Variants in PKD1 observed in about 807,000 individuals in gnomAD.
The protein encoded by PKD1 is polycystin 1, transient receptor potential channel interacting.
PKD1 carries 81 observed loss-of-function variants against 361.7 expected under a neutral mutation model. That is an observed-to-expected ratio of 0.22 (90% CI 0.19 to 0.27). The LOEUF is 0.27. PKD1 is among the 10% of genes least tolerant of loss of function. PKD1 has a pLI of 1.00. For missense variants in PKD1, 6,399 were observed against 6,118.3 expected (o/e 1.05, Z -1.53); for synonymous variants, 3,615 against 2,818.3 (o/e 1.28, Z -8.95).
In PKD1 at chr16:2,100,123, TG is replaced by T. The variant is rs1336869887; in HGVS notation, c.9712+42del. ...AGGAGGCCACGGGGCAGGACCACCCTGCCCAACCTCCCACGGAGTGGGAACA... is the reference window on the plus strand; with the variant it reads ...AGGAGGCCACGGGGCAGGACCACCCTCCCAACCTCCCACGGAGTGGGAACA... On this transcript the variant is annotated intron_variant, in intron 28 of 45. Transcript: ENST00000262304. The surrounding 1 kb of genome is among the most constrained non-coding windows in gnomAD (Gnocchi z 4.4). 3 of 1,604,600 alleles carry T rather than the reference TG, an allele frequency of 1.9e-6. No homozygotes were observed. The African/African-American group carries it at 4.0e-5, about 21-fold the overall frequency.
intron 1 of PKD1, among the ~76,000 whole-genome samples, chr16:2,121,750 G>GT (rs397772970): frequency 1.3e-4 from 19 of 151,408 alleles, no homozygotes; most frequent in Middle Eastern, 3.4e-3. Context: ...CCTGGCACAG[G>GT]ACTATGGCTC....
At chr16:2,093,137 C>T (rs1195020387) in intron 37 of PKD1, 44 bp from the exon 38 acceptor site, 1 of 1,608,358 alleles carries the variant, frequency 6.2e-7, no homozygotes, top group Admixed American at 1.7e-5. Flanking sequence ...CCCCAGCCCA[C>T]AGTGACAGCA....
At position 2,089,952 on chromosome 16, in the gene PKD1, G is replaced by A; in HGVS notation, c.12687C>T (p.Leu4229=). The A allele has an allele frequency of 1.9e-6, 3 of 1,612,292 alleles. No individual in the cohort carries two copies. The highest frequency in any genetic ancestry group is 2.5e-6 in the Non-Finnish European group (3 of 1,179,768). Residue 4229 remains leucine (L), a synonymous_variant, in exon 46 of 46, where the codon CTC becomes CTT. Transcript: ENST00000262304. ...FEALLTQFDR[L]NQATEDVYQL... ...GGTAGACGTCCTCTGTGGCCTGGTT[G>A]AGTCGGTCAAACTGGGTGAGCAGGG...
In PKD1 at chr16:2,114,456, G is replaced by A. The variant is rs144610067; in HGVS notation, c.2567C>T (p.Thr856Met). The change falls in exon 11 of 46, where the codon ACG becomes ATG. Residue 856 changes from threonine (T) to methionine (M), a missense_variant. By Grantham distance (81) the Thr-to-Met change is moderately conservative. Transcript: ENST00000262304. Reference protein sequence around the residue: ...VLQVDSGANATATARWPGGSV... With the variant: ...VLQVDSGANAMATARWPGGSV... ...GCCCCCAGGCCAGCGAGCCGTGGCC[G>A]TGGCGTTGGCACCAGAGTCCACCTG... 4.6e-5 allele frequency: 73 copies of A among 1,597,934 alleles called. No individual in the cohort carries two copies. Among genetic ancestry groups the A allele is most frequent in the African/African-American group, 9.4e-5 (7 of 74,848 alleles).
intron 20 of PKD1, 113 bp downstream of exon 20, chr16:2,105,752 A>G: frequency 1.5e-6 from 2 of 1,352,338 alleles, no homozygotes; most frequent in Non-Finnish European, 2.1e-6. Context: ...GGTCACTGGG[A>G]TTTATCTCTG....
At chr16:2,124,248 C>A (rs545005504) in intron 1 of PKD1, among the ~76,000 whole-genome samples, 1 of 152,362 alleles carries the variant, frequency 6.6e-6, no homozygotes, top group Admixed American at 6.5e-5. Context: ...CCCGAGGTAG[C>A]TGACACGTGT....
chr16:2,098,186 G>A, intron 30 of PKD1: 1 of 600,552 alleles, frequency 1.7e-6, no homozygotes, highest in South Asian at 2.0e-5. Context: ...CAGCAGACTG[G>A]TGCAGCTAAG....
In PKD1 at chr16:2,089,767, G is replaced by A. The variant is rs1459644541; in HGVS notation, c.12872C>T (p.Pro4291Leu). The A allele has an allele frequency of 1.3e-6, 2 of 1,596,030 alleles. No individual in the cohort carries two copies. Among genetic ancestry groups the A allele is most frequent in the African/African-American group, 1.3e-5 (1 of 74,774 alleles). The change falls in exon 46 of 46, where the codon CCC becomes CTC. Residue 4291 changes from proline to leucine, a missense_variant. Coordinates refer to ENST00000262304, the MANE Select transcript of PKD1 (RefSeq NM_001009944.3). ...VDLATGPSRT[P>L]LRAKNKVHPS... ...GTGGACCTTGTTCTTGGCCCGAAGGGGTGTCCTGCTGGGGCCAGTGGCCAG... is the reference window on the plus strand; with the variant it reads ...GTGGACCTTGTTCTTGGCCCGAAGGAGTGTCCTGCTGGGGCCAGTGGCCAG...
rs745803852 is a variant in PKD1 at position 2,107,912 on chromosome 16, C to T, written c.7036G>A (p.Gly2346Ser). 7.8e-6 allele frequency: 12 copies of T among 1,545,182 alleles called. No individual in the cohort carries two copies. Among genetic ancestry groups the T allele is most frequent in the African/African-American group, 5.5e-5 (4 of 72,968 alleles). ...YTFSLTVWKAGRKEEATNQTV... is the reference protein window; with the variant it reads ...YTFSLTVWKASRKEEATNQTV... Reference sequence around the variant, plus strand: ...TGGTTGGTGGCCTCCTCCTTGCGGCCGGCCTTCCACACGGTCAGGCTGAAG... The same window carrying T: ...TGGTTGGTGGCCTCCTCCTTGCGGCTGGCCTTCCACACGGTCAGGCTGAAG... The change falls in exon 16 of 46, where the codon GGC becomes AGC. Residue 2346 changes from glycine to serine, a missense_variant. Physicochemically the swap from Gly to Ser is moderately conservative, Grantham distance 56. Transcript: ENST00000262304.
intron 1 of PKD1, among the ~76,000 whole-genome samples, chr16:2,133,606 TG>T (rs944436813): frequency 6.6e-6 from 1 of 151,928 alleles, no homozygotes; most frequent in Non-Finnish European, 1.5e-5. Flanking sequence ...GAGGGTGGCC[TG>T]GGGGGCCAGC....
intron 1 of PKD1, among the ~76,000 whole-genome samples, chr16:2,127,080 G>A (rs751831534): frequency 4.6e-5 from 7 of 152,070 alleles, no homozygotes; most frequent in Middle Eastern, 3.2e-3. Context: ...GAAGGGGGAC[G>A]TCGAGGCTCA....
At position 2,099,969 on chromosome 16, in the gene PKD1, C is replaced by T. The variant is rs1452116333; in HGVS notation, c.9815G>A (p.Arg3272His). Residue 3272 changes from arginine to histidine, a missense_variant, in exon 29 of 46, where the codon CGT becomes CAT. Arg to His is a conservative substitution (Grantham distance 29, BLOSUM62 0). Transcript: ENST00000262304. The stretch of plus-strand genomic sequence containing the variant: ...CCTCTGGATGCGAGTGAAACGGCTA[C>T]GAGGCGGCCGGTCCCATATGGAGAG... ...IWLSIWDRPP[R>H]SRFTRIQRAT... 14 of 1,563,056 alleles carry T rather than the reference C, an allele frequency of 9.0e-6. No homozygotes were observed. The highest frequency in any genetic ancestry group is 5.7e-5 in the Admixed American group (3 of 52,380).
rs781707107 is a variant in PKD1, at chr16:2,090,590, G to A, written c.12139C>T (p.Leu4047Phe). The change falls in exon 45 of 46, where the codon CTC becomes TTC. Residue 4047 changes from leucine (L) to phenylalanine (F), a missense_variant and splice_region_variant. Leu to Phe is a conservative substitution (Grantham distance 22). Coordinates refer to ENST00000262304, the MANE Select transcript of PKD1 (RefSeq NM_001009944.3). ...GVAYAQLAIL[L>F]VSSCVDSLWS... The stretch of plus-strand genomic sequence containing the variant: ...AGGGAGTCCACACAGGAAGACACGA[G>A]CTGCGGGGAAGGCGACACCAGTGAG... 1.9e-6 allele frequency: 3 copies of A among 1,608,634 alleles called. No individual in the cohort carries two copies. The highest frequency in any genetic ancestry group is 2.2e-5 in the South Asian group (2 of 91,044).
Position 2,106,291 on chromosome 16 carries a change from C to T in PKD1, c.7503G>A (p.Ala2501=), listed in dbSNP as rs199982705. ...VHFECTGWHD[A]EDAGAPLVYA... is the part of the protein sequence containing the mutation. The stretch of plus-strand genomic sequence containing the variant: ...ACACCAGCGGGGCGCCAGCATCCTC[C>T]GCGTCATGCCAGCCTGAGGGACGGT... Residue 2501 remains alanine (A), a synonymous_variant, in exon 19 of 46, where the codon GCG becomes GCA. Coordinates refer to ENST00000262304, the MANE Select transcript of PKD1 (RefSeq NM_001009944.3). This position sits in a 1 kb window ranked among gnomAD's most constrained non-coding sequence, Gnocchi z 6.5. 1.5e-4 allele frequency: 236 copies of T among 1,609,816 alleles called. No homozygotes were observed. The highest frequency in any genetic ancestry group is 3.2e-4 in the South Asian group (29 of 90,956).
In PKD1 at chr16:2,108,494, C is replaced by A. The variant is rs541999287; in HGVS notation, c.6673G>T (p.Val2225Leu). The change falls in exon 15 of 46, where the codon GTG becomes TTG. Residue 2225 changes from valine to leucine, a missense_variant. Val to Leu is a conservative substitution (Grantham distance 32, BLOSUM62 1). Transcript: ENST00000262304. ...ACAAACACAAAGCAGTAGTGCCCCACAGGCAGCGCCAGCCGCGGCAGCACC... is the reference window on the plus strand; with the variant it reads ...ACAAACACAAAGCAGTAGTGCCCCAAAGGCAGCGCCAGCCGCGGCAGCACC... ...RLVLPRLALP[V>L]GHYCFVFVVS... 6.2e-7 allele frequency: 1 copy of A among 1,609,620 alleles called. No individual in the cohort carries two copies. The highest frequency in any genetic ancestry group is 8.5e-7 in the Non-Finnish European group (1 of 1,179,438).
At position 2,090,826 on chromosome 16, in the gene PKD1, G is replaced by C. The variant is rs1330517995; in HGVS notation, c.12004-18C>G. Reference sequence around the variant, plus strand: ...TGGGCAGCCTGCGGACGAGAAATCTGTCTGCTTGCAGCCCTGGGGTGTGCG... The same window carrying C: ...TGGGCAGCCTGCGGACGAGAAATCTCTCTGCTTGCAGCCCTGGGGTGTGCG... On this transcript the variant is annotated intron_variant, in intron 43 of 45. Transcript: ENST00000262304. 3 of 1,611,820 alleles carry C rather than the reference G, an allele frequency of 1.9e-6. No individual in the cohort carries two copies. Among genetic ancestry groups the C allele is most frequent in the Admixed American group, 1.7e-5 (1 of 60,020 alleles).
rs781708056 is a variant in PKD1, at chr16:2,092,504, G to A, written c.11245C>T (p.Leu3749=). 25 of 1,611,384 alleles carry A rather than the reference G, an allele frequency of 1.6e-5. No homozygotes were observed. Among genetic ancestry groups the A allele is most frequent in the Non-Finnish European group, 2.0e-5 (23 of 1,178,876 alleles). Reference sequence around the variant, plus strand: ...CCTTCCTGCAGCCGCACCTGCCGCAGCCGTGGGGGCCCCAGCTCTGGGCTG... The same window carrying A: ...CCTTCCTGCAGCCGCACCTGCCGCAACCGTGGGGGCCCCAGCTCTGGGCTG... The part of the protein sequence containing the change: ...QSSPELGPPR[L]RQVRLQEALY... Residue 3749 remains leucine (L), a synonymous_variant, in exon 39 of 46, where the codon CTG becomes TTG. Transcript: ENST00000262304.
chr16:2,116,232 C>A, intron 8 of PKD1, 114 bp from the exon 9 acceptor site: 1 of 1,113,272 alleles, frequency 9.0e-7, no homozygotes, highest in South Asian at 1.3e-5. Context: ...AGCCATCAGA[C>A]CCCCACAGGC....
Position 2,109,877 on chromosome 16 carries a change from C to T in PKD1, c.5290G>A (p.Glu1764Lys), listed in dbSNP as rs753749502. The change falls in exon 15 of 46, where the codon GAG becomes AAG. Residue 1764 changes from glutamate (E) to lysine (K), a missense_variant. Glu to Lys is a moderately conservative substitution (Grantham distance 56). Transcript: ENST00000262304. ...GGGAAGCTATGGGTGGTAAATGGCT[C>T]GGAGGTCTCCCAGCTCAGCCCCTCC... ...LEEGLSWETS[E>K]PFTTHSFPTP... 5.6e-6 allele frequency: 9 copies of T among 1,610,604 alleles called. No homozygotes were observed. Among genetic ancestry groups the T allele is most frequent in the South Asian group, 4.4e-5 (4 of 90,986 alleles).
Sources: gnomAD v4.1 joint callset for allele counts (sites outside exome capture counted in the v4.1 genomes callset) on GRCh38, gnomAD v4.1.1 for gene constraint, Gnocchi (gnomAD v3.1) non-coding constraint, MANE v1.5 for transcripts, NCBI Gene and HGNC (gene_info 2026-07-23, HGNC 2026-07-21) for gene names.